KIAA1217: variants seen among roughly 807,000 people sequenced by gnomAD.
KIAA1217 encodes KIAA1217.
Under a neutral mutation model 163.9 loss-of-function variants are expected in KIAA1217, and 88 were observed. The ratio of observed to expected loss-of-function variants is 0.54; its 90% CI spans 0.45 to 0.64. The LOEUF is 0.64. Ranked by LOEUF, KIAA1217 falls within the 30% of genes least tolerant of loss-of-function variation. The pLI is 0.00. For synonymous variants in KIAA1217, 903 were observed against 923.1 expected (o/e 0.98, Z 0.39); for missense variants, 2,372 against 2,475.0 (o/e 0.96, Z 0.88).
At chr10:24,179,380 G>T (rs1173940434) in intron 2 of KIAA1217, among the ~76,000 whole-genome samples, 1 of 152,020 alleles carries the variant, frequency 6.6e-6, no homozygotes, top group Non-Finnish European at 1.5e-5. Flanking sequence ...CTTCTCATGA[G>T]ATCTGTTTAT....
chr10:23,891,453 C>T (rs147544956), intron 1 of KIAA1217, among the ~76,000 whole-genome samples: 208 of 152,044 alleles, frequency 1.4e-3, no homozygotes, highest in African/African-American at 4.8e-3. Flanking sequence ...ACTCTGGCAG[C>T]TCTCTTGCCC....
At chr10:24,019,757 T>C (rs1441243567) in intron 2 of KIAA1217, among the ~76,000 whole-genome samples, 1 of 151,894 alleles carries the variant, frequency 6.6e-6, no homozygotes, top group Non-Finnish European at 1.5e-5. Flanking sequence ...AATCCTAGAC[T>C]AGGAAATCAT....
chr10:24,385,329 G>A (rs907287902), intron 3 of KIAA1217, among the ~76,000 whole-genome samples: 3 of 152,224 alleles, frequency 2.0e-5, no homozygotes, highest in Non-Finnish European at 4.4e-5. Flanking sequence ...TGAGCATGGT[G>A]CATTTCGCAA....
chr10:24,255,827 G>A (rs952728370), intron 2 of KIAA1217, among the ~76,000 whole-genome samples: 9 of 152,056 alleles, frequency 5.9e-5, no homozygotes, highest in Non-Finnish European at 4.4e-5. Context: ...CTTGTTTAAT[G>A]GTAATTAAAT....
At position 23,811,187 on chromosome 10, in the gene KIAA1217, A is replaced by T. The variant is rs1029252519; in HGVS notation, c.-321+115953A>T. ...GTATACTATACATATATACTATACT[A>T]TACATATACTATGTATATAGTATAA... On this transcript the variant is annotated intron_variant, in intron 1 of 18. Transcript: ENST00000376462. 2.4e-4 allele frequency among the ~76,000 whole-genome samples: 34 copies of T among 142,616 alleles called. 1 individual carries two copies. Among genetic ancestry groups the T allele is most frequent in the African/African-American group, 8.7e-4 (34 of 38,932 alleles). 93.6% of individuals were successfully genotyped at this position (142,616 alleles called of 152,430 possible).
At chr10:24,420,813 T>C (rs1215031033) in intron 3 of KIAA1217, among the ~76,000 whole-genome samples, 2 of 152,210 alleles carry the variant, frequency 1.3e-5, no homozygotes, top group Admixed American at 6.5e-5. Context: ...TCTTCTGTCA[T>C]ATATCAAGCT....
chr10:24,356,189 T>C (rs2049079598), intron 2 of KIAA1217, among the ~76,000 whole-genome samples: 1 of 152,196 alleles, frequency 6.6e-6, no homozygotes, highest in Non-Finnish European at 1.5e-5. Flanking sequence ...TTTCAACCAG[T>C]TTGCTTCATT....
intron 2 of KIAA1217, among the ~76,000 whole-genome samples, chr10:24,344,120 T>C (rs997867672): frequency 6.6e-6 from 1 of 152,216 alleles, no homozygotes; most frequent in South Asian, 2.1e-4. Flanking sequence ...CACGATGACA[T>C]TGTATCATCC....
chr10:24,495,761 G>C lies in KIAA1217; in HGVS notation c.1834+565G>C, dbSNP rs530952974. On this transcript the variant is annotated intron_variant, in intron 8 of 20. Coordinates refer to ENST00000376454, the MANE Select transcript of KIAA1217 (RefSeq NM_019590.5). ...GCTGCAATATGGGGATGGATGAGAA[G>C]GGACAGTAGCCAATAAGGAATGACC... Among the ~76,000 whole-genome samples, 237 of 152,326 alleles carry C rather than the reference G, an allele frequency of 1.6e-3. 1 individual carries two copies. The highest frequency in any genetic ancestry group is 2.9e-3 in the Non-Finnish European group (196 of 68,026).
chr10:23,874,840 A>G (rs1233706201), intron 1 of KIAA1217, among the ~76,000 whole-genome samples: 2 of 152,024 alleles, frequency 1.3e-5, no homozygotes, highest in Non-Finnish European at 2.9e-5. Flanking sequence ...GTGCTGCTAT[A>G]AAGGAATACC....
intron 3 of KIAA1217, among the ~76,000 whole-genome samples, chr10:24,410,601 G>A (rs917243010): frequency 1.3e-5 from 2 of 152,130 alleles, no homozygotes; most frequent in African/African-American, 4.8e-5. Context: ...ACACTTTGAA[G>A]GTGTTCTCTA....
intron 6 of KIAA1217, among the ~76,000 whole-genome samples, chr10:24,493,077 C>A (rs2066351302): frequency 6.6e-6 from 1 of 152,208 alleles, no homozygotes. Flanking sequence ...AAGTTCTGAC[C>A]TCAGGTGATC....
At chr10:24,516,339 A>G (rs1185805488) in intron 10 of KIAA1217, among the ~76,000 whole-genome samples, 1 of 152,212 alleles carries the variant, frequency 6.6e-6, no homozygotes, top group East Asian at 1.9e-4. Flanking sequence ...GACTTCCTGT[A>G]TCTTAGACCA....
chr10:23,727,027 A>C (rs760970732), intron 1 of KIAA1217, among the ~76,000 whole-genome samples: 7 of 111,058 alleles, frequency 6.3e-5, no homozygotes, highest in Non-Finnish European at 9.8e-5. Context: ...TTGCTCTGTC[A>C]CCCAGGCTGG....
intron 17 of KIAA1217, among the ~76,000 whole-genome samples, chr10:24,539,744 C>A (rs1328940791): frequency 1.3e-5 from 2 of 152,150 alleles, no homozygotes; most frequent in African/African-American, 4.8e-5. Flanking sequence ...CTTCTCTTAT[C>A]CCCAATTCTG....
At chr10:24,212,292 G>T (rs529486779) in intron 1 of KIAA1217, among the ~76,000 whole-genome samples, 3 of 152,270 alleles carry the variant, frequency 2.0e-5, no homozygotes, top group Admixed American at 2.0e-4. Context: ...TATTTACGAA[G>T]AACAGATGAG....
chr10:23,758,997 C>G (rs1834096939), intron 1 of KIAA1217, among the ~76,000 whole-genome samples: 1 of 152,056 alleles, frequency 6.6e-6, no homozygotes, highest in African/African-American at 2.4e-5. Context: ...TTCATTAAAT[C>G]TGTAGATTGC....
At chr10:24,229,350 G>T (rs2071045107) in intron 2 of KIAA1217, among the ~76,000 whole-genome samples, 1 of 152,150 alleles carries the variant, frequency 6.6e-6, no homozygotes, top group Non-Finnish European at 1.5e-5. Flanking sequence ...GTTTAGAAAT[G>T]GAACTAGACT....
At chr10:24,166,618 A>G (rs1157459805) in intron 2 of KIAA1217, among the ~76,000 whole-genome samples, 1 of 152,140 alleles carries the variant, frequency 6.6e-6, no homozygotes, top group African/African-American at 2.4e-5. Flanking sequence ...CATACCTGTA[A>G]TTCCAGTTAC....
Sources: gnomAD v4.1 joint callset for allele counts (sites outside exome capture counted in the v4.1 genomes callset) on GRCh38, gnomAD v4.1.1 for gene constraint, MANE v1.5 for transcripts, NCBI Gene and HGNC (gene_info 2026-07-23, HGNC 2026-07-21) for gene names.